Variants in DCAF6 observed in about 807,000 individuals in gnomAD.
DCAF6 encodes DDB1 and CUL4 associated factor 6.
A neutral mutation model predicts 125.1 loss-of-function variants in DCAF6; 54 were observed. The ratio of observed to expected loss-of-function variants is 0.43; its 90% confidence interval spans 0.35 to 0.54. The LOEUF (loss-of-function observed/expected upper bound fraction) is 0.54, where lower values mean the gene tolerates loss of function less well. DCAF6 is among the 20% of genes least tolerant of loss of function. The pLI, the probability that DCAF6 is intolerant of heterozygous loss-of-function variation, is 0.01. For missense variants in DCAF6, 934 were observed against 1,161.7 expected (o/e 0.80, Z 2.85); for synonymous variants, 371 against 390.4 (o/e 0.95, Z 0.58).
intron 12 of DCAF6, among the ~76,000 whole-genome samples, chr1:168,034,741 T>G (rs169310): frequency 0.11 from 16,858 of 152,216 alleles, 2,684 homozygotes; most frequent in African/African-American, 0.35. Context: ...GTGTGTTTAC[T>G]TGAAGTTCTA....
At chr1:168,037,104 C>CTT (rs60135464) in intron 12 of DCAF6, among the ~76,000 whole-genome samples, 34 of 130,080 alleles carry the variant, frequency 2.6e-4, no homozygotes, top group South Asian at 4.7e-4. Context: ...TCTCCCCCCC[C>CTT]TTTTTTTTTT....
chr1:168,039,227 A>G (rs991747448), intron 13 of DCAF6, among the ~76,000 whole-genome samples: 38 of 152,056 alleles, frequency 2.5e-4, no homozygotes, highest in African/African-American at 7.2e-4. Context: ...TTTACTTACT[A>G]TAGTCCTACT....
intron 2 of DCAF6, among the ~76,000 whole-genome samples, chr1:167,960,678 T>C (rs910720486): frequency 6.6e-6 from 1 of 152,202 alleles, no homozygotes; most frequent in African/African-American, 2.4e-5. Flanking sequence ...CATTGTGGTC[T>C]AAGAGTAGAC....
chr1:167,989,562 A>C (rs1348713683), intron 5 of DCAF6, among the ~76,000 whole-genome samples: 1 of 152,208 alleles, frequency 6.6e-6, no homozygotes, highest in Non-Finnish European at 1.5e-5. Flanking sequence ...GTAATTGAAC[A>C]AAGTATAAGG....
Position 168,009,428 on chromosome 1 carries a change from GTC to G in DCAF6, c.1378+4645_1378+4646del, listed in dbSNP as rs369658760. 3.1e-4 allele frequency among the ~76,000 whole-genome samples: 31 copies of G among 98,842 alleles called. No individual in the cohort carries two copies. In the East Asian group the frequency reaches 5.2e-3, roughly 16 times the overall value. 64.8% of individuals were successfully genotyped at this position (98,842 alleles called of 152,430 possible). ...CTCTCTCTCTCTTTTGTTTCTTTCT[GTC>G]TCTCTCTCTTTCTTTCTTTCTGTCT... On this transcript the variant is annotated intron_variant, in intron 10 of 21. Coordinates refer to ENST00000367840, the MANE Select transcript of DCAF6 (RefSeq NM_001198956.2).
intron 10 of DCAF6, among the ~76,000 whole-genome samples, chr1:168,011,352 G>A (rs189163741): frequency 1.8e-4 from 27 of 152,114 alleles, no homozygotes; most frequent in East Asian, 7.7e-4. Context: ...TCCTGAGCTC[G>A]TGATCCACCC....
At chr1:167,880,848 C>T in the DCAF6 span, among the ~76,000 whole-genome samples, 1 of 152,180 alleles carries the variant, frequency 6.6e-6, no homozygotes, top group Non-Finnish European at 1.5e-5. Context: ...TAGGGCTGAG[C>T]TATCTGTGTG....
At chr1:167,872,999 C>G in the DCAF6 span, among the ~76,000 whole-genome samples, 9 of 151,060 alleles carry the variant, frequency 6.0e-5, no homozygotes, top group Non-Finnish European at 1.3e-4. Context: ...GAACCCGGGA[C>G]GCAGAGGTTG....
intron 10 of DCAF6, among the ~76,000 whole-genome samples, chr1:168,008,289 C>T (rs12093927): frequency 0.14 from 21,043 of 152,036 alleles, 1,929 homozygotes; most frequent in African/African-American, 0.26. Flanking sequence ...CGTCATAAAT[C>T]TACATGTTCA....
At chr1:167,979,431 T>A (rs1324814765) in intron 4 of DCAF6, among the ~76,000 whole-genome samples, 1 of 152,208 alleles carries the variant, frequency 6.6e-6, no homozygotes, top group Non-Finnish European at 1.5e-5. Flanking sequence ...TCTAAGAATT[T>A]GACTATTTTA....
chr1:167,888,177 A>G, the DCAF6 span, among the ~76,000 whole-genome samples: 1 of 152,176 alleles, frequency 6.6e-6, no homozygotes, highest in Non-Finnish European at 1.5e-5. Context: ...TTGGGTTGCT[A>G]TAGCTGTGGT....
At chr1:168,056,502 A>C in intron 17 of DCAF6, 1 of 714,252 alleles carries the variant, frequency 1.4e-6, no homozygotes, top group Non-Finnish European at 2.0e-6. Flanking sequence ...GCCCAGGCTT[A>C]AGTTTTTAAT....
the DCAF6 span, among the ~76,000 whole-genome samples, chr1:167,916,261 C>G: frequency 2.0e-5 from 3 of 152,168 alleles, no homozygotes; most frequent in African/African-American, 7.2e-5. Context: ...GGCTGGAGTG[C>G]AAAGGCGCGA....
At chr1:168,003,327 G>A (rs560034836) in intron 8 of DCAF6, among the ~76,000 whole-genome samples, 1 of 152,204 alleles carries the variant, frequency 6.6e-6, no homozygotes, top group Admixed American at 6.5e-5. Context: ...CTTGCAGGAG[G>A]AAAAGGAGTG....
intron 11 of DCAF6, 58 bp downstream of exon 11, chr1:168,016,009 T>C: frequency 1.5e-6 from 2 of 1,338,508 alleles, no homozygotes; most frequent in Non-Finnish European, 1.9e-6. Flanking sequence ...ATACTGCTAC[T>C]GTGTAATAAG....
At chr1:167,869,123 G>A in the DCAF6 span, among the ~76,000 whole-genome samples, 18 of 152,304 alleles carry the variant, frequency 1.2e-4, no homozygotes, top group South Asian at 2.1e-4. Context: ...ACATATGCCC[G>A]TACGAGTGTA....
the DCAF6 span, chr1:167,896,665 A>G: frequency 1.2e-6 from 2 of 1,613,218 alleles, no homozygotes; most frequent in South Asian, 2.2e-5. Context: ...CAAAATTAAA[A>G]TTGGGGGGTG....
chr1:168,071,302 AACTT>A (rs1326222508), intron 21 of DCAF6, among the ~76,000 whole-genome samples: 1 of 152,178 alleles, frequency 6.6e-6, no homozygotes, highest in Non-Finnish European at 1.5e-5. Context: ...CTTATAATAA[AACTT>A]AATATATAAA....
At chr1:167,944,478 T>G (rs1347870189) in intron 1 of DCAF6, among the ~76,000 whole-genome samples, 1 of 152,194 alleles carries the variant, frequency 6.6e-6, no homozygotes, top group Non-Finnish European at 1.5e-5. Flanking sequence ...ACCAACATTG[T>G]CTGTCTTTTT....
Sources: allele counts gnomAD v4.1 joint callset (sites outside exome capture counted in the v4.1 genomes callset), GRCh38; gene constraint gnomAD v4.1.1; transcripts MANE v1.5; gene names NCBI Gene and HGNC (gene_info 2026-07-23, HGNC 2026-07-21).